The following KCNMB2 variants were observed in gnomAD, a reference collection of about 807,000 sequenced individuals.
KCNMB2 encodes the protein potassium calcium-activated channel subfamily M regulatory beta subunit 2.
In KCNMB2, 9 loss-of-function variants were observed where a neutral mutation model predicts 24.5. The observed-to-expected ratio is 0.37, with a 90% confidence interval of 0.22 to 0.64. The LOEUF is 0.64. Among genes scored for constraint, KCNMB2 ranks in the 30% least tolerant of loss-of-function variants. The pLI is 0.63. For missense variants in KCNMB2, 226 were observed against 284.3 expected, an observed-to-expected ratio of 0.79 and a Z score of 1.47; for synonymous variants, 109 against 104.4, an observed-to-expected ratio of 1.04 and a Z score of -0.27.
At chr3:178,837,726 C>T (rs1400530533) in intron 4 of KCNMB2, among the ~76,000 whole-genome samples, 1 of 151,906 alleles carries the variant, frequency 6.6e-6, no homozygotes, top group Non-Finnish European at 1.5e-5. Context: ...CCATCCAGCC[C>T]ACATGCATGC....
chr3:178,733,901 T>C (rs896166283), intron 1 of KCNMB2, among the ~76,000 whole-genome samples: 4 of 152,162 alleles, frequency 2.6e-5, no homozygotes, highest in Non-Finnish European at 5.9e-5. Flanking sequence ...GAAATAATGG[T>C]AGCTGGATTG....
At chr3:178,566,872 T>C (rs1205457744) in intron 1 of KCNMB2, among the ~76,000 whole-genome samples, 1 of 152,212 alleles carries the variant, frequency 6.6e-6, no homozygotes, top group East Asian at 1.9e-4. Context: ...AACCACCTAA[T>C]GGCTACCCAG....
chr3:178,601,882 C>A (rs1479138703), intron 1 of KCNMB2, among the ~76,000 whole-genome samples: 1 of 152,162 alleles, frequency 6.6e-6, no homozygotes, highest in Non-Finnish European at 1.5e-5. Context: ...AGCCATTATG[C>A]AAATACCTGG....
At chr3:178,687,385 G>A (rs1387262045) in intron 1 of KCNMB2, among the ~76,000 whole-genome samples, 1 of 152,108 alleles carries the variant, frequency 6.6e-6, no homozygotes, top group Non-Finnish European at 1.5e-5. Flanking sequence ...ATATGCTTCA[G>A]TGTACTTATG....
intron 2 of KCNMB2, among the ~76,000 whole-genome samples, chr3:178,811,141 CTGTT>C (rs1404449278): frequency 6.6e-6 from 1 of 152,030 alleles, no homozygotes; most frequent in Non-Finnish European, 1.5e-5. Flanking sequence ...GCATTACAGA[CTGTT>C]TATCAAATAT....
intron 1 of KCNMB2, among the ~76,000 whole-genome samples, chr3:178,682,484 A>G (rs977735366): frequency 6.6e-5 from 10 of 152,144 alleles, no homozygotes; most frequent in African/African-American, 2.2e-4. Context: ...ATTCCTTTCA[A>G]GTTCTAAGTC....
In KCNMB2 at chr3:178,759,354, T is replaced by C. The variant is rs1473409414; in HGVS notation, c.-67-47989T>C. Among the ~76,000 whole-genome samples the C allele has an allele frequency of 5.2e-5, 4 of 76,806 alleles. 1 individual carries two copies. Among genetic ancestry groups the C allele is most frequent in the Non-Finnish European group, 9.6e-5 (4 of 41,598 alleles). The allele number at this position is 76,806 out of a possible 152,430, so 50.4% of individuals were successfully genotyped here. A position where few individuals can be genotyped will look rare whatever the true frequency, so the allele number is the denominator to read the frequency against. The stretch of plus-strand genomic sequence containing the variant: ...ATATATCTCCAAGAGGATATATATA[T>C]ATATATATCTCCAAGAGGATATATA... On this transcript the variant is annotated intron_variant, in intron 1 of 4. Coordinates refer to ENST00000452583, the MANE Select transcript of KCNMB2 (RefSeq NM_181361.3).
At chr3:178,750,255 GGT>G (rs1723799510) in intron 1 of KCNMB2, among the ~76,000 whole-genome samples, 1 of 151,756 alleles carries the variant, frequency 6.6e-6, no homozygotes, top group Non-Finnish European at 1.5e-5. Flanking sequence ...TGGTGATGTA[GGT>G]GTTTTGGGAA....
chr3:178,798,491 T>C (rs561084070), intron 1 of KCNMB2, among the ~76,000 whole-genome samples: 1 of 152,114 alleles, frequency 6.6e-6, no homozygotes. Context: ...CCATCAATGA[T>C]AGACTGGATA....
At chr3:178,748,414 A>G (rs1723739279) in intron 1 of KCNMB2, 1 of 152,220 alleles carries the variant, frequency 6.6e-6, no homozygotes, top group African/African-American at 2.4e-5. Context: ...AGATCTATAG[A>G]TCTTATCAGC....
intron 1 of KCNMB2, among the ~76,000 whole-genome samples, chr3:178,617,072 G>A (rs1174299850): frequency 6.6e-6 from 1 of 152,126 alleles, no homozygotes; most frequent in Non-Finnish European, 1.5e-5. Context: ...TGCTCTTTAA[G>A]ATGATTTTTG....
intron 1 of KCNMB2, among the ~76,000 whole-genome samples, chr3:178,727,958 C>T (rs929701132): frequency 6.6e-6 from 1 of 152,196 alleles, no homozygotes; most frequent in Non-Finnish European, 1.5e-5. Flanking sequence ...ACGTGCATAG[C>T]ACTTACCATA....
chr3:178,539,778 G>T (rs1715554619), intron 1 of KCNMB2, among the ~76,000 whole-genome samples: 1 of 151,976 alleles, frequency 6.6e-6, no homozygotes, highest in African/African-American at 2.4e-5. Flanking sequence ...GCGTGTGTGT[G>T]TGATTTCTCC....
chr3:178,724,997 A>T (rs12696460), intron 1 of KCNMB2, among the ~76,000 whole-genome samples: 2 of 151,616 alleles, frequency 1.3e-5, no homozygotes, highest in African/African-American at 4.8e-5. Flanking sequence ...GGCTATTCAG[A>T]CTCTTTTTTG....
chr3:178,757,164 G>C lies in KCNMB2; in HGVS notation c.-67-50179G>C, dbSNP rs115597862. 391 of 141,518 alleles carry C rather than the reference G, an allele frequency of 2.8e-3. 5 individuals carry two copies. Among genetic ancestry groups the C allele is most frequent in the African/African-American group, 9.7e-3 (376 of 38,772 alleles). 8.8% of individuals were successfully genotyped at this position (141,518 alleles called of 1,614,324 possible). On this transcript the variant is annotated intron_variant, in intron 1 of 4. Transcript: ENST00000452583. The stretch of plus-strand genomic sequence containing the variant: ...TGTAAAAGAAAATTTAGCTAAGATT[G>C]ATAGGTTCAAGAAGTAAAACCAAAA...
chr3:178,719,832 T>C (rs924331991), intron 1 of KCNMB2, among the ~76,000 whole-genome samples: 1 of 152,140 alleles, frequency 6.6e-6, no homozygotes, highest in Non-Finnish European at 1.5e-5. Flanking sequence ...GGATACACTG[T>C]TCTCTCAATT....
rs1251198948 is a variant in KCNMB2, at chr3:178,614,263, A to ATGTATG, written c.-68+77553_-68+77554insGTATGT. ...GGGCTAATTTTATATATATATATAT[A>ATGTATG]TATATATATATATATATATATATAT... On this transcript the variant is annotated intron_variant, in intron 1 of 4. Transcript: ENST00000452583. Among the ~76,000 whole-genome samples the ATGTATG allele has an allele frequency of 3.1e-4, 21 of 68,466 alleles. 2 individuals are homozygous for ATGTATG. The highest frequency in any genetic ancestry group is 1.3e-3 in the African/African-American group (20 of 15,414). 44.9% of individuals were successfully genotyped at this position (68,466 alleles called of 152,430 possible). A position where few individuals can be genotyped will look rare whatever the true frequency, so the allele number is the denominator to read the frequency against.
At chr3:178,788,614 C>A (rs1036524254) in intron 1 of KCNMB2, among the ~76,000 whole-genome samples, 1 of 152,100 alleles carries the variant, frequency 6.6e-6, no homozygotes, top group South Asian at 2.1e-4. Context: ...GAAAATGAAA[C>A]TCAGGGAAAT....
intron 1 of KCNMB2, among the ~76,000 whole-genome samples, chr3:178,709,125 T>C (rs1559983760): frequency 6.6e-6 from 1 of 152,148 alleles, no homozygotes; most frequent in African/African-American, 2.4e-5. Flanking sequence ...TTCCCAAAGA[T>C]TTGGAGCCGA....
Sources: allele counts gnomAD v4.1 joint callset (sites outside exome capture counted in the v4.1 genomes callset), GRCh38; gene constraint gnomAD v4.1.1; transcripts MANE v1.5; gene names NCBI Gene and HGNC (gene_info 2026-07-23, HGNC 2026-07-21).